MTAP: variants seen among roughly 807,000 people sequenced by gnomAD.
MTAP encodes S-methyl-5'-thioadenosine phosphorylase.
Under a neutral mutation model 33.6 loss-of-function variants are expected in MTAP, and 33 were observed. That is an observed-to-expected ratio of 0.98 (90% confidence interval 0.74 to 1.31). The LOEUF is 1.31. Ranked by LOEUF, MTAP falls within the 40% of genes most tolerant of loss-of-function variation. MTAP has a pLI of 0.00. For synonymous variants in MTAP, 148 were observed against 125.7 expected (o/e 1.18, Z -1.19); for missense variants, 367 against 360.0 (o/e 1.02, Z -0.16).
rs1200783308 is a variant in MTAP, at chr9:21,863,883, A to C, written c.*1869A>C. 2 of 985,718 alleles carry C rather than the reference A, an allele frequency of 2.0e-6. No individual in the cohort carries two copies. Among genetic ancestry groups the C allele is most frequent in the Admixed American group, 1.2e-4 (2 of 16,266 alleles). The allele number at this position is 985,718 out of a possible 1,614,324, so 61.1% of individuals were successfully genotyped here. On this transcript the variant is annotated 3_prime_UTR_variant, in exon 8 of 8. Coordinates refer to ENST00000644715, the MANE Select transcript of MTAP (RefSeq NM_002451.4). ...TTAATATGACTCATTAGTGTGAGCC[A>C]TTTGGGTCAAGTATGATTATGACCC...
intron 4 of MTAP, among the ~76,000 whole-genome samples, chr9:21,834,749 A>G (rs1825060276): frequency 6.6e-6 from 1 of 152,238 alleles, no homozygotes; most frequent in Non-Finnish European, 1.5e-5. Context: ...CTTGTTAGCA[A>G]CCTTAATTCC....
intron 1 of MTAP, chr9:21,929,392 G>A (rs1364451153): frequency 6.2e-6 from 1 of 160,814 alleles, no homozygotes; most frequent in African/African-American, 2.4e-5. Context: ...TACACCACCA[G>A]GAGTTCCAGT....
intron 7 of MTAP, chr9:21,860,300 T>C (rs955338862): frequency 6.6e-6 from 1 of 152,218 alleles, no homozygotes; most frequent in Non-Finnish European, 1.5e-5. Context: ...AGTGCTCCAG[T>C]ACGGCCAGTT....
chr9:21,803,035 C>CACACACACACACACACA, intron 1 of MTAP: 1 of 1,077,106 alleles, frequency 9.3e-7, no homozygotes. Flanking sequence ...CACACACACA[C>CACACACACACACACACA]ACCACCTTTT....
intron 1 of MTAP, among the ~76,000 whole-genome samples, chr9:21,915,673 T>C (rs1197441539): frequency 6.6e-6 from 1 of 152,156 alleles, no homozygotes; most frequent in Non-Finnish European, 1.5e-5. Context: ...ATAATCTGAC[T>C]TGCACTTTAA....
chr9:21,809,756 A>G (rs533086375), intron 1 of MTAP, among the ~76,000 whole-genome samples: 2 of 152,330 alleles, frequency 1.3e-5, no homozygotes, highest in South Asian at 4.1e-4. Flanking sequence ...TGCCCAACTA[A>G]TCAGAATCCC....
At chr9:21,883,055 T>A in intron 1 of MTAP, among the ~76,000 whole-genome samples, 1 of 147,684 alleles carries the variant, frequency 6.8e-6, no homozygotes, top group African/African-American at 2.5e-5. Context: ...ATTAATGAAG[T>A]AGAAAACAAG....
Position 21,864,765 on chromosome 9 carries a change from G to A in MTAP, c.*2751G>A. 1 of 985,382 alleles carries A rather than the reference G, an allele frequency of 1.0e-6. No individual in the cohort carries two copies. Among genetic ancestry groups the A allele is most frequent in the Non-Finnish European group, 1.2e-6 (1 of 829,952 alleles). 61.0% of individuals were successfully genotyped at this position (985,382 alleles called of 1,614,324 possible). A position where few individuals can be genotyped will look rare whatever the true frequency, so the allele number is the denominator to read the frequency against. On this transcript the variant is annotated 3_prime_UTR_variant, in exon 8 of 8. Transcript: ENST00000644715. ...TCCTTGAAGAGGGAGTGACTAAGGT[G>A]ACCTCCAACCTGCCCTGAGCCAGCT...
intron 1 of MTAP, chr9:21,811,823 A>G (rs906086710): frequency 1.6e-5 from 8 of 497,558 alleles, no homozygotes; most frequent in African/African-American, 1.2e-4. Flanking sequence ...GCCCTTGATC[A>G]GATCCTAGAT....
chr9:21,824,143 G>A (rs990646624), intron 4 of MTAP, among the ~76,000 whole-genome samples: 1 of 152,214 alleles, frequency 6.6e-6, no homozygotes, highest in African/African-American at 2.4e-5. Flanking sequence ...CATTGCTGGC[G>A]AGGAGCTGTG....
At chr9:21,809,483 CAA>C (rs1308286504) in intron 1 of MTAP, among the ~76,000 whole-genome samples, 1 of 151,484 alleles carries the variant, frequency 6.6e-6, no homozygotes, top group African/African-American at 2.4e-5. Flanking sequence ...ACTAAAAATA[CAA>C]AAAATTAGCC....
At chr9:21,817,708 A>G (rs1329241255) in intron 3 of MTAP, among the ~76,000 whole-genome samples, 1 of 152,002 alleles carries the variant, frequency 6.6e-6, no homozygotes, top group African/African-American at 2.4e-5. Context: ...GGTAGAGCCT[A>G]ATCGTGGGAG....
intron 1 of MTAP, chr9:21,811,568 G>A: frequency 2.6e-6 from 1 of 385,918 alleles, no homozygotes; most frequent in Non-Finnish European, 5.1e-6. Flanking sequence ...GATTGTGCGT[G>A]AATAAAGGGT....
At chr9:21,816,682 T>A in intron 2 of MTAP, 32 bp from the exon 3 acceptor site, 1 of 1,592,854 alleles carries the variant, frequency 6.3e-7, no homozygotes, top group Non-Finnish European at 8.6e-7. Context: ...TTTAAATCAC[T>A]GAGTTAAATG....
intron 1 of MTAP, among the ~76,000 whole-genome samples, chr9:21,919,828 G>T (rs371846332): frequency 4.6e-5 from 7 of 152,130 alleles, no homozygotes; most frequent in East Asian, 3.9e-4. Flanking sequence ...TCATCAACGT[G>T]TATATTAACC....
In MTAP at chr9:21,864,225, T is replaced by A. The variant is rs1825811444; in HGVS notation, c.*2211T>A. The A allele has an allele frequency of 2.0e-6, 2 of 985,326 alleles. No individual in the cohort carries two copies. Among genetic ancestry groups the A allele is most frequent in the African/African-American group, 1.7e-5 (1 of 57,248 alleles). The allele number at this position is 985,326 out of a possible 1,614,324, so 61.0% of individuals were successfully genotyped here. A position where few individuals can be genotyped will look rare whatever the true frequency, so the allele number is the denominator to read the frequency against. Reference sequence around the variant, plus strand: ...GACTAACTAAATGAATGCAGTATACTCTTTTCTTTGTTCTCAATCATTCAC... The same window carrying A: ...GACTAACTAAATGAATGCAGTATACACTTTTCTTTGTTCTCAATCATTCAC... On this transcript the variant is annotated 3_prime_UTR_variant, in exon 8 of 8. Coordinates refer to ENST00000644715, the MANE Select transcript of MTAP (RefSeq NM_002451.4).
chr9:21,809,389 C>T (rs1824287821), intron 1 of MTAP, among the ~76,000 whole-genome samples: 1 of 152,038 alleles, frequency 6.6e-6, no homozygotes, highest in Non-Finnish European at 1.5e-5. Flanking sequence ...CCTGTAATCC[C>T]AGCACTTTGG....
At chr9:21,818,861 A>T (rs1214683171) in intron 4 of MTAP, among the ~76,000 whole-genome samples, 1 of 152,240 alleles carries the variant, frequency 6.6e-6, no homozygotes, top group Non-Finnish European at 1.5e-5. Context: ...ATGCAGTATA[A>T]TCTCAAAAAC....
chr9:21,831,710 A>G (rs1217084197), intron 4 of MTAP, among the ~76,000 whole-genome samples: 1 of 152,238 alleles, frequency 6.6e-6, no homozygotes, highest in Non-Finnish European at 1.5e-5. Context: ...TGAAACTTGC[A>G]AACATATCAG....
Sources: gnomAD v4.1 joint callset for allele counts (sites outside exome capture counted in the v4.1 genomes callset) on GRCh38, gnomAD v4.1.1 for gene constraint, MANE v1.5 for transcripts, NCBI Gene and HGNC (gene_info 2026-07-23, HGNC 2026-07-21) for gene names.